The following STK32A variants were observed in gnomAD, a reference collection of about 807,000 sequenced individuals.
The protein encoded by STK32A is serine/threonine kinase 32A.
Under a neutral mutation model 53.2 loss-of-function variants are expected in STK32A, and 41 were observed. The ratio of observed to expected loss-of-function variants is 0.77; its 90% CI spans 0.60 to 1.00. STK32A has a LOEUF of 1.00. Ranked by LOEUF, STK32A falls within the 50% of genes least tolerant of loss-of-function variation. STK32A has a pLI of 0.00. For missense variants in STK32A, 458 were observed against 485.8 expected (o/e 0.94, Z 0.54); for synonymous variants, 166 against 162.8 (o/e 1.02, Z -0.15).
intron 5 of STK32A, 23 bp from the exon 6 acceptor site, chr5:147,342,981 TTC>T: frequency 6.2e-7 from 1 of 1,612,670 alleles, no homozygotes; most frequent in Non-Finnish European, 8.5e-7. Context: ...GTGAGCAACT[TTC>T]TTTTTTCTTT....
At chr5:147,307,001 A>G (rs1022326217) in intron 4 of STK32A, among the ~76,000 whole-genome samples, 1 of 152,154 alleles carries the variant, frequency 6.6e-6, no homozygotes, top group African/African-American at 2.4e-5. Context: ...TCATATGTTG[A>G]GGAGGGTAGA....
intron 2 of STK32A, among the ~76,000 whole-genome samples, chr5:147,275,283 A>G (rs1326405547): frequency 6.6e-6 from 1 of 151,674 alleles, no homozygotes; most frequent in Non-Finnish European, 1.5e-5. Context: ...CTTTTGTTGA[A>G]CATTTAAAAA....
chr5:147,318,875 A>G (rs1754151746), intron 4 of STK32A, among the ~76,000 whole-genome samples: 2 of 152,220 alleles, frequency 1.3e-5, no homozygotes, highest in South Asian at 2.1e-4. Flanking sequence ...CATCCAGGGT[A>G]TACAAGATAC....
intron 2 of STK32A, among the ~76,000 whole-genome samples, chr5:147,254,596 A>G (rs1580993221): frequency 6.6e-6 from 1 of 152,168 alleles, no homozygotes; most frequent in Admixed American, 6.5e-5. Flanking sequence ...ACAAGGGAGG[A>G]GAAGGGGTTC....
intron 2 of STK32A, among the ~76,000 whole-genome samples, chr5:147,270,369 C>T (rs1347340518): frequency 6.8e-6 from 1 of 147,782 alleles, no homozygotes; most frequent in Non-Finnish European, 1.5e-5. Context: ...TGCATCACCA[C>T]ACTCGACTAA....
intron 11 of STK32A, among the ~76,000 whole-genome samples, chr5:147,382,226 C>A (rs1757479922): frequency 6.6e-6 from 1 of 152,132 alleles, no homozygotes; most frequent in African/African-American, 2.4e-5. Context: ...AACCCTGTAG[C>A]AAATTTTTAA....
chr5:147,376,054 A>G (rs544935055), intron 11 of STK32A: 2 of 152,126 alleles, frequency 1.3e-5, no homozygotes, highest in Non-Finnish European at 2.9e-5. Flanking sequence ...GTGAGAAATG[A>G]TTGAGATATA....
intron 7 of STK32A, among the ~76,000 whole-genome samples, chr5:147,361,221 T>G (rs1756488585): frequency 6.6e-6 from 1 of 152,214 alleles, no homozygotes; most frequent in Non-Finnish European, 1.5e-5. Flanking sequence ...GTGAGCCACA[T>G]ATTTGAGGCC....
the STK32A span, among the ~76,000 whole-genome samples, chr5:147,396,477 G>T: frequency 3.3e-5 from 5 of 152,178 alleles, no homozygotes; most frequent in Non-Finnish European, 5.9e-5. Context: ...CTTAACTTTG[G>T]CCAGAGGGGA....
At chr5:147,294,207 C>T (rs944190031) in intron 4 of STK32A, among the ~76,000 whole-genome samples, 3 of 152,158 alleles carry the variant, frequency 2.0e-5, no homozygotes, top group Non-Finnish European at 4.4e-5. Flanking sequence ...ACACAAAATT[C>T]CTTTCACAAG....
At chr5:147,340,607 A>G (rs1755358480) in intron 5 of STK32A, among the ~76,000 whole-genome samples, 1 of 152,212 alleles carries the variant, frequency 6.6e-6, no homozygotes, top group Non-Finnish European at 1.5e-5. Flanking sequence ...TTTACCCTGT[A>G]GTGAATTAGA....
chr5:147,385,561 A>G lies in STK32A; in HGVS notation c.*1578A>G, dbSNP rs995952837. 1 of 152,230 alleles carries G rather than the reference A, an allele frequency of 6.6e-6. No individual in the cohort carries two copies. Among genetic ancestry groups the G allele is most frequent in the African/African-American group, 2.4e-5 (1 of 41,460 alleles). 9.4% of individuals were successfully genotyped at this position (152,230 alleles called of 1,614,324 possible). On this transcript the variant is annotated 3_prime_UTR_variant, in exon 13 of 13. Transcript: ENST00000397936. The stretch of plus-strand genomic sequence containing the variant: ...TGTGCTTACTACAAGAATGGCAGGC[A>G]GAATTCCCTACTTATTTAAAATATC...
chr5:147,351,678 C>T (rs1441431966), intron 7 of STK32A, among the ~76,000 whole-genome samples: 2 of 152,162 alleles, frequency 1.3e-5, no homozygotes, highest in Non-Finnish European at 2.9e-5. Context: ...GAAACCCTGT[C>T]TCTACTAAAA....
intron 11 of STK32A, among the ~76,000 whole-genome samples, chr5:147,382,203 A>G (rs941415764): frequency 6.6e-6 from 1 of 152,086 alleles, no homozygotes; most frequent in Non-Finnish European, 1.5e-5. Context: ...TGCCTGCTCA[A>G]TTTTGCCGTT....
intron 4 of STK32A, among the ~76,000 whole-genome samples, chr5:147,298,521 A>T (rs1350105448): frequency 6.6e-6 from 1 of 152,232 alleles, no homozygotes; most frequent in Non-Finnish European, 1.5e-5. Context: ...ATGAAGAGGC[A>T]TGGTAAGTAT....
At chr5:147,245,522 G>GA (rs900816939) in intron 2 of STK32A, among the ~76,000 whole-genome samples, 2 of 151,934 alleles carry the variant, frequency 1.3e-5, no homozygotes, top group Admixed American at 6.6e-5. Context: ...GGCTGATTTA[G>GA]AAAAAAGAAA....
At chr5:147,264,214 G>A (rs1162280974) in intron 2 of STK32A, among the ~76,000 whole-genome samples, 1 of 152,188 alleles carries the variant, frequency 6.6e-6, no homozygotes, top group African/African-American at 2.4e-5. Flanking sequence ...CAAGAAAGAA[G>A]GGGGCACTGC....
At chr5:147,287,554 A>G (rs1244134834) in intron 4 of STK32A, among the ~76,000 whole-genome samples, 1 of 152,178 alleles carries the variant, frequency 6.6e-6, no homozygotes, top group Non-Finnish European at 1.5e-5. Context: ...ACAGTTGAAA[A>G]GAAGATGGTT....
intron 1 of STK32A, among the ~76,000 whole-genome samples, chr5:147,236,068 T>A (rs1181345942): frequency 1.3e-5 from 2 of 152,192 alleles, no homozygotes; most frequent in African/African-American, 4.8e-5. Flanking sequence ...AAATGTTTAA[T>A]CAAAAGTTGC....
Sources: allele counts gnomAD v4.1 joint callset (sites outside exome capture counted in the v4.1 genomes callset), GRCh38; gene constraint gnomAD v4.1.1; transcripts MANE v1.5; gene names NCBI Gene and HGNC (gene_info 2026-07-23, HGNC 2026-07-21).